PACS1: variants seen among roughly 807,000 people sequenced by gnomAD.
The protein encoded by PACS1 is phosphofurin acidic cluster sorting protein 1.
In PACS1, 24 loss-of-function variants were observed where a neutral mutation model predicts 115.0. The observed-to-expected ratio is 0.21, with a 90% CI of 0.15 to 0.29. PACS1 has a LOEUF of 0.29. Ranked by LOEUF, PACS1 falls within the 10% of genes least tolerant of loss-of-function variation. PACS1 has a pLI of 1.00. For missense variants in PACS1, 838 were observed against 1,251.2 expected, an observed-to-expected ratio of 0.67 and a Z score of 4.98; for synonymous variants, 453 against 504.5, an observed-to-expected ratio of 0.90 and a Z score of 1.37.
chr11:66,158,627 G>A (rs1472455368), intron 1 of PACS1, among the ~76,000 whole-genome samples: 2 of 152,184 alleles, frequency 1.3e-5, no homozygotes, highest in African/African-American at 2.4e-5. Flanking sequence ...CGTGAGCCCA[G>A]GAGTTCTAGG....
intron 1 of PACS1, among the ~76,000 whole-genome samples, chr11:66,104,531 A>C (rs1857990732): frequency 1.3e-5 from 2 of 152,186 alleles, no homozygotes; most frequent in Non-Finnish European, 2.9e-5. Context: ...AGAGTCAAGC[A>C]GTTGCAGCAG....
chr11:66,220,707 G>A lies in PACS1; in HGVS notation c.1115G>A (p.Ser372Asn). 1 of 1,614,174 alleles carries A rather than the reference G, an allele frequency of 6.2e-7. No homozygotes were observed. Among genetic ancestry groups the A allele is most frequent in the Non-Finnish European group, 8.5e-7 (1 of 1,180,012 alleles). Residue 372 changes from serine (S) to asparagine (N), a missense_variant, in exon 9 of 24, where the codon AGT becomes AAT. Physicochemically the swap from Ser to Asn is conservative, Grantham distance 46 (BLOSUM62 1). Around this residue, in one of 6 missense-constraint regions of PACS1, gnomAD observed 223 missense variants for 354.0 expected, o/e 0.63. Transcript: ENST00000320580. ...GAGGACTTGGATGAATTGTATGACA[G>A]TCTGGAGATGTACAACCCCAGCGAC... ...VEEDLDELYDSLEMYNPSDSG... is the reference protein window; with the variant it reads ...VEEDLDELYDNLEMYNPSDSG...
At position 66,230,828 on chromosome 11, in the gene PACS1, C is replaced by T; in HGVS notation, c.1514C>T (p.Pro505Leu). 1 of 1,614,138 alleles carries T rather than the reference C, an allele frequency of 6.2e-7. No individual in the cohort carries two copies. The highest frequency in any genetic ancestry group is 8.5e-7 in the Non-Finnish European group (1 of 1,179,986). ...SPSKVEGVHT[P>L]RQKRSTPLKE... is the part of the protein sequence containing the mutation. ...AGCAAAGTGGAGGGGGTGCACACAC[C>T]CCGGCAGAAGAGGAGCACGCCCCTG... The change falls in exon 13 of 24, where the codon CCC (proline) becomes CTC (leucine). Residue 505 changes from proline (P) to leucine (L), a missense_variant. Pro to Leu is a moderately conservative substitution (Grantham distance 98). Around this residue, in one of 6 missense-constraint regions of PACS1, gnomAD observed 383 missense variants for 537.0 expected, o/e 0.71. Transcript: ENST00000320580.
Position 66,220,065 on chromosome 11 carries a change from T to G in PACS1, c.1038+260T>G, listed in dbSNP as rs558748102. Among the ~76,000 whole-genome samples, 7 of 152,200 alleles carry G rather than the reference T, an allele frequency of 4.6e-5. No homozygotes were observed. The South Asian group carries it at 1.5e-3, about 32-fold the overall frequency. ...CTTGGTGATGCGCAAGCCTCTGGCA[T>G]GCGATACAGGGACAGACCCAGCGGA... On this transcript the variant is annotated intron_variant, in intron 8 of 23. Transcript: ENST00000320580.
At chr11:66,089,911 C>A (rs1004689687) in intron 1 of PACS1, among the ~76,000 whole-genome samples, 1 of 143,202 alleles carries the variant, frequency 7.0e-6, no homozygotes, top group Non-Finnish European at 1.5e-5. Context: ...GAGGCTGAGG[C>A]AGGAGAATGG....
chr11:66,089,584 C>A (rs1027105825), intron 1 of PACS1, among the ~76,000 whole-genome samples: 11 of 152,124 alleles, frequency 7.2e-5, no homozygotes, highest in African/African-American at 2.7e-4. Context: ...GGGTCTATGA[C>A]CTTTTGCAGC....
At chr11:66,214,269 T>C (rs1438688828) in intron 4 of PACS1, among the ~76,000 whole-genome samples, 1 of 152,142 alleles carries the variant, frequency 6.6e-6, no homozygotes, top group African/African-American at 2.4e-5. Context: ...TCAGTCAGTG[T>C]TTGTGTCAGT....
chr11:66,232,558 A>G (rs1855619230), intron 14 of PACS1, among the ~76,000 whole-genome samples: 2 of 152,206 alleles, frequency 1.3e-5, no homozygotes, highest in South Asian at 4.1e-4. Context: ...CCAGGGCGCC[A>G]CATGCGTCAG....
At chr11:66,169,141 A>G (rs1859680542) in intron 1 of PACS1, among the ~76,000 whole-genome samples, 1 of 150,644 alleles carries the variant, frequency 6.6e-6, no homozygotes, top group Admixed American at 6.6e-5. Flanking sequence ...TTAAGAGAAC[A>G]TTCTAATGTT....
Position 66,235,583 on chromosome 11 carries a change from C to T in PACS1, c.2207+180C>T, listed in dbSNP as rs1208105217. On this transcript the variant is annotated intron_variant, in intron 18 of 23. Coordinates refer to ENST00000320580, the MANE Select transcript of PACS1 (RefSeq NM_018026.4). The surrounding 1 kb of genome is among the most constrained non-coding windows in gnomAD (Gnocchi z 5.6). ...GCACTCCTTCCTTGCCCAAGGCCTC[C>T]CACCCATAGGAGCCTGAGTTCATCA... The T allele has an allele frequency of 6.6e-6, 4 of 605,962 alleles. No individual in the cohort carries two copies. Among genetic ancestry groups the T allele is most frequent in the Non-Finnish European group, 1.2e-5 (4 of 339,626 alleles). 37.5% of individuals were successfully genotyped at this position (605,962 alleles called of 1,614,324 possible).
intron 1 of PACS1, among the ~76,000 whole-genome samples, chr11:66,163,259 G>C (rs1859531136): frequency 1.3e-5 from 2 of 150,448 alleles, no homozygotes; most frequent in South Asian, 4.2e-4. Flanking sequence ...GCTAAGGTGA[G>C]AGAACTGCTT....
chr11:66,190,312 A>T (rs1382262029), intron 1 of PACS1, among the ~76,000 whole-genome samples: 1 of 152,168 alleles, frequency 6.6e-6, no homozygotes, highest in Non-Finnish European at 1.5e-5. Flanking sequence ...AGTCTTTTCC[A>T]TTGGCTCATC....
intron 1 of PACS1, among the ~76,000 whole-genome samples, chr11:66,113,311 G>T (rs1858228554): frequency 1.3e-5 from 2 of 152,184 alleles, no homozygotes; most frequent in South Asian, 4.1e-4. Context: ...CTAGCTACCT[G>T]CTGACTCATC....
intron 4 of PACS1, among the ~76,000 whole-genome samples, chr11:66,212,951 G>A (rs113274710): frequency 0.047 from 7,197 of 152,298 alleles, 236 homozygotes; most frequent in Non-Finnish European, 0.069. Context: ...CCGGGTTCCA[G>A]CAGTTCTCCT....
intron 1 of PACS1, among the ~76,000 whole-genome samples, chr11:66,165,574 G>A (rs1859582811): frequency 6.6e-6 from 1 of 152,058 alleles, no homozygotes; most frequent in African/African-American, 2.4e-5. Context: ...TGCATGTCCT[G>A]ACTTTTCTGC....
Position 66,216,689 on chromosome 11 carries a change from A to C in PACS1, c.898-6A>C, listed in dbSNP as rs1855217846. On this transcript the variant is annotated splice_polypyrimidine_tract_variant and splice_region_variant and intron_variant, in intron 6 of 23. Transcript: ENST00000320580. Reference sequence around the variant, plus strand: ...CCACCCTCATTCTGTCCCTGTACCCACTTAGGACTTGTTCTACGAAGACGA... The same window carrying C: ...CCACCCTCATTCTGTCCCTGTACCCCCTTAGGACTTGTTCTACGAAGACGA... 1 of 1,613,484 alleles carries C rather than the reference A, an allele frequency of 6.2e-7. No homozygotes were observed. Among genetic ancestry groups the C allele is most frequent in the Non-Finnish European group, 8.5e-7 (1 of 1,179,616 alleles).
At chr11:66,237,367 G>T (rs1590841766) in intron 19 of PACS1, among the ~76,000 whole-genome samples, 1 of 152,330 alleles carries the variant, frequency 6.6e-6, no homozygotes, top group East Asian at 1.9e-4. Flanking sequence ...CCACCAGCTT[G>T]TATCTTTTTT....
At chr11:66,118,813 T>C (rs1444436485) in intron 1 of PACS1, among the ~76,000 whole-genome samples, 1 of 143,704 alleles carries the variant, frequency 7.0e-6, no homozygotes, top group Non-Finnish European at 1.5e-5. Context: ...GAAAAAAAGA[T>C]ATTCTGAGCT....
intron 22 of PACS1, among the ~76,000 whole-genome samples, chr11:66,242,266 G>A (rs1565161294): frequency 6.6e-6 from 1 of 152,202 alleles, no homozygotes; most frequent in Non-Finnish European, 1.5e-5. Context: ...GCAACTGGTA[G>A]TGCACCTGCA....
Sources: allele counts gnomAD v4.1 joint callset (sites outside exome capture counted in the v4.1 genomes callset), GRCh38; gene constraint gnomAD v4.1.1; regional missense constraint gnomAD v4.1.1; non-coding constraint Gnocchi (gnomAD v3.1); transcripts MANE v1.5; gene names NCBI Gene and HGNC (gene_info 2026-07-23, HGNC 2026-07-21).